NUMBL: variants seen among roughly 807,000 people sequenced by gnomAD.
NUMBL encodes numb-like protein.
NUMBL carries 20 observed loss-of-function variants against 48.9 expected under a neutral mutation model. That is an observed-to-expected ratio of 0.41 (90% CI 0.29 to 0.59). The LOEUF is 0.59. NUMBL is among the 20% of genes least tolerant of loss of function. The probability of loss-of-function intolerance (pLI) is 0.31; values close to 1 mark genes in which losing one functional copy is unlikely to be tolerated. For missense variants in NUMBL, 660 were observed against 846.2 expected, an observed-to-expected ratio of 0.78 and a Z score of 2.73; for synonymous variants, 340 against 348.7, an observed-to-expected ratio of 0.98 and a Z score of 0.28.
intron 8 of NUMBL, among the ~76,000 whole-genome samples, chr19:40,671,977 TCTC>T (rs2081850764): frequency 1.3e-5 from 2 of 152,026 alleles, no homozygotes; most frequent in Admixed American, 1.3e-4. Flanking sequence ...CTGAAGCAAT[TCTC>T]CTTCCTCAGC....
intron 2 of NUMBL, chr19:40,685,700 A>T (rs989289716): frequency 1.3e-5 from 2 of 153,490 alleles, no homozygotes; most frequent in Admixed American, 1.3e-4. Flanking sequence ...GGGTGTGTCC[A>T]TGGCTGTTAT....
At chr19:40,678,421 C>T (rs1262676780) in intron 6 of NUMBL, among the ~76,000 whole-genome samples, 1 of 152,138 alleles carries the variant, frequency 6.6e-6, no homozygotes, top group Non-Finnish European at 1.5e-5. Context: ...CCTGGGCCTC[C>T]CAAAGTGTTG....
chr19:40,667,386 G>T lies in NUMBL; in HGVS notation c.*82C>A. 1 of 1,542,496 alleles carries T rather than the reference G, an allele frequency of 6.5e-7. No homozygotes were observed. The highest frequency in any genetic ancestry group is 8.7e-7 in the Non-Finnish European group (1 of 1,146,638). On this transcript the variant is annotated 3_prime_UTR_variant, in exon 10 of 10. Transcript: ENST00000252891. This position sits in a 1 kb window ranked among gnomAD's most constrained non-coding sequence, Gnocchi z 6.1. Reference sequence around the variant, plus strand: ...GGGTGTTGAGGGGCGCAGCCCCAGGGAGCAGGGTTAGGGGAGAGGTTGTGC... The same window carrying T: ...GGGTGTTGAGGGGCGCAGCCCCAGGTAGCAGGGTTAGGGGAGAGGTTGTGC...
At position 40,675,142 on chromosome 19, in the gene NUMBL, C is replaced by CAAAAA. The variant is rs71334931; in HGVS notation, c.731-1498_731-1494dup. ...TGGGCAACAGAGCAAGACTCTGTCT[C>CAAAAA]AAAAAAAAAAAAAAAAAAAAAAAAA... On this transcript the variant is annotated intron_variant, in intron 7 of 9. Coordinates refer to ENST00000252891, the MANE Select transcript of NUMBL (RefSeq NM_004756.5). Among the ~76,000 whole-genome samples, 11 of 29,792 alleles carry CAAAAA rather than the reference C, an allele frequency of 3.7e-4. 2 individuals are homozygous for CAAAAA. Among genetic ancestry groups the CAAAAA allele is most frequent in the African/African-American group, 7.3e-4 (6 of 8,268 alleles). 19.5% of individuals were successfully genotyped at this position (29,792 alleles called of 152,430 possible). A position where few individuals can be genotyped will look rare whatever the true frequency, so the allele number is the denominator to read the frequency against.
intron 2 of NUMBL, chr19:40,686,192 G>A (rs916585943): frequency 8.6e-5 from 13 of 150,332 alleles, no homozygotes; most frequent in African/African-American, 1.5e-4. Flanking sequence ...CTCTTGTTGC[G>A]AATGAAGGCT....
At chr19:40,680,139 T>G (rs1395487403) in intron 6 of NUMBL, among the ~76,000 whole-genome samples, 7 of 151,344 alleles carry the variant, frequency 4.6e-5, no homozygotes, top group East Asian at 1.9e-4. Flanking sequence ...GTTTTTTTTT[T>G]TTGTTTTCTT....
rs767929280 is a variant in NUMBL, at chr19:40,666,139, G to GTTTTTTTTTT, written c.*1319_*1328dup. 7.9e-6 allele frequency: 1 copy of GTTTTTTTTTT among 125,968 alleles called. No homozygotes were observed. The highest frequency in any genetic ancestry group is 1.6e-5 in the Non-Finnish European group (1 of 60,734). 7.8% of individuals were successfully genotyped at this position (125,968 alleles called of 1,614,324 possible). On this transcript the variant is annotated 3_prime_UTR_variant, in exon 10 of 10. Coordinates refer to ENST00000252891, the MANE Select transcript of NUMBL (RefSeq NM_004756.5). ...ATTAATATTGAGCTAATTAGAAGTA[G>GTTTTTTTTTT]TTTTTTTTTTTTTGTTTTTTTTTTT...
In NUMBL at chr19:40,669,897, C is replaced by T. The variant is rs2081837178; in HGVS notation, c.1159+1G>A. On this transcript the variant is annotated splice_donor_variant, in intron 9 of 9. Transcript: ENST00000252891. LOFTEE classifies it high-confidence loss of function. Reference sequence around the variant, plus strand: ...CTGCCCAGCAGAAAGCCTGGCTTTACCTGTTGTGGCAGGTGGTGGCCCTGG... The same window carrying T: ...CTGCCCAGCAGAAAGCCTGGCTTTATCTGTTGTGGCAGGTGGTGGCCCTGG... 6.2e-7 allele frequency: 1 copy of T among 1,613,062 alleles called. No individual in the cohort carries two copies. The highest frequency in any genetic ancestry group is 8.5e-7 in the Non-Finnish European group (1 of 1,179,420).
At position 40,687,128 on chromosome 19, in the gene NUMBL, C is replaced by T. The variant is rs1599915965; in HGVS notation, c.25-133G>A. ...CTGATGAGAGTCCTAGTTGTCCTAG[C>T]AACTGTTACCAGGGAGATCAGCCAC... On this transcript the variant is annotated intron_variant, in intron 1 of 9. Transcript: ENST00000252891. This position sits in a 1 kb window ranked among gnomAD's most constrained non-coding sequence, Gnocchi z 4.6. The T allele has an allele frequency of 1.7e-6, 1 of 586,810 alleles. No individual in the cohort carries two copies. The allele number at this position is 586,810 out of a possible 1,614,324, so 36.4% of individuals were successfully genotyped here. A position where few individuals can be genotyped will look rare whatever the true frequency, so the allele number is the denominator to read the frequency against.
rs2081960312 is a variant in NUMBL at position 40,690,532 on chromosome 19, C to T, written c.-49G>A. 1.7e-6 allele frequency: 2 copies of T among 1,174,218 alleles called. No individual in the cohort carries two copies. The highest frequency in any genetic ancestry group is 2.1e-6 in the Non-Finnish European group (2 of 934,150). 72.7% of individuals were successfully genotyped at this position (1,174,218 alleles called of 1,614,324 possible). Reference sequence around the variant, plus strand: ...CCCGCGGCCCTGGCTGGGCCTGGCTCCCCGACTGCTGCTGCTGCGGTGGTG... The same window carrying T: ...CCCGCGGCCCTGGCTGGGCCTGGCTTCCCGACTGCTGCTGCTGCGGTGGTG... On this transcript the variant is annotated 5_prime_UTR_variant, in exon 1 of 10. Transcript: ENST00000252891.
chr19:40,672,978 T>C (rs2081855822), intron 8 of NUMBL, among the ~76,000 whole-genome samples: 1 of 152,166 alleles, frequency 6.6e-6, no homozygotes, highest in African/African-American at 2.4e-5. Context: ...CCCTGGCCCA[T>C]GGCAAACTTC....
chr19:40,682,714 C>CA lies in NUMBL; in HGVS notation c.399+13dup, dbSNP rs775936646. On this transcript the variant is annotated intron_variant, in intron 5 of 9. Coordinates refer to ENST00000252891, the MANE Select transcript of NUMBL (RefSeq NM_004756.5). This position sits in a 1 kb window ranked among gnomAD's most constrained non-coding sequence, Gnocchi z 4.0. ...AGACAGGCCCCCTGGCGTCCACCCC[C>CA]ACAGGCCTCCTACCTTGGTTTTGTC... 28 of 1,613,330 alleles carry CA rather than the reference C, an allele frequency of 1.7e-5. No homozygotes were observed. The highest frequency in any genetic ancestry group is 2.3e-5 in the Non-Finnish European group (27 of 1,179,496).
rs1412807536 is a variant in NUMBL, at chr19:40,681,193, T to G, written c.400-136A>C. ...GCAGTCACTGAGACACCCTGTGCCT[T>G]GCCTGCAGAGGGCTCCCAGGTCAGC... is the stretch of plus-strand genomic sequence containing the variant. On this transcript the variant is annotated intron_variant, in intron 5 of 9. Coordinates refer to ENST00000252891, the MANE Select transcript of NUMBL (RefSeq NM_004756.5). The G allele has an allele frequency of 4.4e-6, 4 of 899,086 alleles. No individual in the cohort carries two copies. In the Admixed American group the frequency reaches 8.6e-5, roughly 19 times the overall value. The allele number at this position is 899,086 out of a possible 1,614,324, so 55.7% of individuals were successfully genotyped here.
rs149436869 is a variant in NUMBL, at chr19:40,670,091, C to G, written c.1037-71G>C. ...TGCCGCAGCCCCGCCCTCTACCCCC[C>G]GCCCTCGGTGGCCCTCTCTTCTGAC... On this transcript the variant is annotated intron_variant, in intron 8 of 9. Coordinates refer to ENST00000252891, the MANE Select transcript of NUMBL (RefSeq NM_004756.5). The G allele has an allele frequency of 9.7e-6, 15 of 1,548,388 alleles. No individual in the cohort carries two copies. In the African/African-American group the frequency reaches 1.6e-4, roughly 17 times the overall value.
At chr19:40,686,852 C>G in intron 2 of NUMBL, 59 bp downstream of exon 2, 1 of 1,039,324 alleles carries the variant, frequency 9.6e-7, no homozygotes, top group African/African-American at 1.6e-5. Flanking sequence ...CTCCTCTGGT[C>G]GTGTTAGGCA....
At position 40,665,962 on chromosome 19, in the gene NUMBL, T is replaced by C. The variant is rs1412507245; in HGVS notation, c.*1506A>G. The C allele has an allele frequency of 6.6e-6, 1 of 152,134 alleles. No homozygotes were observed. The highest frequency in any genetic ancestry group is 2.4e-5 in the African/African-American group (1 of 41,422). 9.4% of individuals were successfully genotyped at this position (152,134 alleles called of 1,614,324 possible). On this transcript the variant is annotated 3_prime_UTR_variant, in exon 10 of 10. Coordinates refer to ENST00000252891, the MANE Select transcript of NUMBL (RefSeq NM_004756.5). The stretch of plus-strand genomic sequence containing the variant: ...TGTTATATATTTTTAAAAATACATC[T>C]TATAGATTAAAGGACTCAAGAAACA...
chr19:40,684,555 G>A lies in NUMBL; in HGVS notation c.111C>T (p.Asp37=), dbSNP rs2081924431. The A allele has an allele frequency of 3.7e-6, 6 of 1,605,976 alleles. No homozygotes were observed. The highest frequency in any genetic ancestry group is 1.7e-5 in the Admixed American group (1 of 59,490). The change falls in exon 3 of 10, where the codon GAC becomes GAT. Residue 37 remains aspartate (D), a splice_region_variant and synonymous_variant. Transcript: ENST00000252891. Reference sequence around the variant, plus strand: ...GTAACTTGTTCATGGTGCCCGCCCCGTCTGGTGACACAGGACAGTGATGTG... The same window carrying A: ...GTAACTTGTTCATGGTGCCCGCCCCATCTGGTGACACAGGACAGTGATGTG... ...GPPETCRTEP[D]GAGTMNKLRQ...
At position 40,667,070 on chromosome 19, in the gene NUMBL, G is replaced by C. The variant is rs2081813203; in HGVS notation, c.*398C>G. 3.7e-6 allele frequency: 1 copy of C among 268,050 alleles called. No homozygotes were observed. Among genetic ancestry groups the C allele is most frequent in the Non-Finnish European group, 7.3e-6 (1 of 137,758 alleles). The allele number at this position is 268,050 out of a possible 1,614,324, so 16.6% of individuals were successfully genotyped here. A position where few individuals can be genotyped will look rare whatever the true frequency, so the allele number is the denominator to read the frequency against. On this transcript the variant is annotated 3_prime_UTR_variant, in exon 10 of 10. Transcript: ENST00000252891. The surrounding 1 kb of genome is among the most constrained non-coding windows in gnomAD (Gnocchi z 6.1). Reference sequence around the variant, plus strand: ...GATTTGGGGTGGGCACTGGTGTGGGGCCCAGGAGAGCCCCTAAGCAAGTGT... The same window carrying C: ...GATTTGGGGTGGGCACTGGTGTGGGCCCCAGGAGAGCCCCTAAGCAAGTGT...
At chr19:40,676,639 C>G (rs1437746049) in intron 7 of NUMBL, among the ~76,000 whole-genome samples, 3 of 149,370 alleles carry the variant, frequency 2.0e-5, no homozygotes, top group Non-Finnish European at 4.4e-5. Flanking sequence ...TTGCAGTGAG[C>G]CTAGATCACA....
Sources: gnomAD v4.1 joint callset for allele counts (sites outside exome capture counted in the v4.1 genomes callset) on GRCh38, gnomAD v4.1.1 for gene constraint, Gnocchi (gnomAD v3.1) non-coding constraint, MANE v1.5 for transcripts, NCBI Gene and HGNC (gene_info 2026-07-23, HGNC 2026-07-21) for gene names.